CTNNA3: variants seen among roughly 807,000 people sequenced by gnomAD.
CTNNA3 encodes catenin alpha 3.
In CTNNA3, 76 loss-of-function variants were observed where a neutral mutation model predicts 95.7. That is an observed-to-expected ratio of 0.79 (90% CI 0.66 to 0.96). The LOEUF (loss-of-function observed/expected upper bound fraction) is 0.96. CTNNA3 is among the 40% of genes least tolerant of loss of function. The probability of loss-of-function intolerance (pLI) is 0.00; values close to 1 mark genes in which losing one functional copy is unlikely to be tolerated. For synonymous variants in CTNNA3, 431 were observed against 374.4 expected, an observed-to-expected ratio of 1.15 and a Z score of -1.74; for missense variants, 1,191 against 1,089.8, an observed-to-expected ratio of 1.09 and a Z score of -1.31.
At chr10:66,550,758 T>C (rs1471334028) in intron 10 of CTNNA3, among the ~76,000 whole-genome samples, 1 of 152,180 alleles carries the variant, frequency 6.6e-6, no homozygotes, top group Non-Finnish European at 1.5e-5. Flanking sequence ...CATTGTAATT[T>C]CTGTCTACTG....
intron 14 of CTNNA3, among the ~76,000 whole-genome samples, chr10:66,076,798 A>G (rs2080571223): frequency 6.6e-6 from 1 of 151,742 alleles, no homozygotes; most frequent in Admixed American, 6.6e-5. Context: ...TTTTGAAAAA[A>G]TTATGCCATT....
intron 7 of CTNNA3, among the ~76,000 whole-genome samples, chr10:66,975,863 A>G (rs918231255): frequency 1.3e-5 from 2 of 152,202 alleles, no homozygotes; most frequent in African/African-American, 4.8e-5. Flanking sequence ...ATCTGACCAA[A>G]AATCTTGGTC....
chr10:67,064,939 A>C (rs576542233), intron 7 of CTNNA3, among the ~76,000 whole-genome samples: 2 of 152,294 alleles, frequency 1.3e-5, no homozygotes, highest in East Asian at 3.9e-4. Flanking sequence ...ACTTTCAATA[A>C]AGAAAATGCA....
intron 5 of CTNNA3, among the ~76,000 whole-genome samples, chr10:67,262,158 A>G (rs945290092): frequency 3.9e-5 from 6 of 152,316 alleles, no homozygotes; most frequent in Middle Eastern, 6.8e-3. Flanking sequence ...GAGAAAAGGC[A>G]TAATTATTAT....
chr10:65,919,522 TG>T lies in CTNNA3; in HGVS notation c.*807del, dbSNP rs2077050388. On this transcript the variant is annotated 3_prime_UTR_variant, in exon 18 of 18. Transcript: ENST00000433211. ...ATATAACTCACTTTGGGATATAGTT[TG>T]TTGTCTCATTTTCCCAATGGGTGAT... 6.6e-6 allele frequency: 1 copy of T among 152,202 alleles called. No homozygotes were observed. Among genetic ancestry groups the T allele is most frequent in the Non-Finnish European group, 1.5e-5 (1 of 68,022 alleles). 9.4% of individuals were successfully genotyped at this position (152,202 alleles called of 1,614,324 possible). A position where few individuals can be genotyped will look rare whatever the true frequency, so the allele number is the denominator to read the frequency against.
At chr10:66,387,984 C>T (rs1412994000) in intron 11 of CTNNA3, among the ~76,000 whole-genome samples, 1 of 151,978 alleles carries the variant, frequency 6.6e-6, no homozygotes, top group Non-Finnish European at 1.5e-5. Flanking sequence ...TTAGGAGAAA[C>T]ACCTAATGTA....
intron 7 of CTNNA3, among the ~76,000 whole-genome samples, chr10:67,131,498 A>AT (rs1216670033): frequency 2.0e-5 from 3 of 152,090 alleles, no homozygotes; most frequent in Non-Finnish European, 2.9e-5. Context: ...ACTATGTGGC[A>AT]GTCATTATGC....
Position 67,268,359 on chromosome 10 carries a change from A to AAATTAAATTAAATTAAATTAAATT in CTNNA3, c.580-48490_580-48489insAATTTAATTTAATTTAATTTAATT, listed in dbSNP as rs759024425. On this transcript the variant is annotated intron_variant, in intron 5 of 17. Transcript: ENST00000433211. The stretch of plus-strand genomic sequence containing the variant: ...TAAATTAAATTAAATTAAATTAAAT[A>AAATTAAATTAAATTAAATTAAATT]AATAAATAAAAAATCAGCCGTTAGC... Among the ~76,000 whole-genome samples the AAATTAAATTAAATTAAATTAAATT allele has an allele frequency of 4.2e-4, 60 of 142,852 alleles. 1 individual carries two copies. Among genetic ancestry groups the AAATTAAATTAAATTAAATTAAATT allele is most frequent in the Admixed American group, 3.3e-3 (48 of 14,702 alleles). 93.7% of individuals were successfully genotyped at this position (142,852 alleles called of 152,430 possible).
chr10:67,362,293 T>C (rs947765576), intron 5 of CTNNA3, among the ~76,000 whole-genome samples: 9 of 151,690 alleles, frequency 5.9e-5, no homozygotes, highest in Non-Finnish European at 1.0e-4. Flanking sequence ...ATCATCATAA[T>C]ACCAAAACCT....
At chr10:66,434,234 C>T (rs2093320576) in intron 11 of CTNNA3, among the ~76,000 whole-genome samples, 2 of 152,026 alleles carry the variant, frequency 1.3e-5, no homozygotes, top group African/African-American at 4.8e-5. Flanking sequence ...TTACCCTGGG[C>T]AGTATGGCCA....
chr10:66,865,217 T>C (rs924440733), intron 7 of CTNNA3, among the ~76,000 whole-genome samples: 251 of 148,360 alleles, frequency 1.7e-3, no homozygotes, highest in African/African-American at 5.2e-3. Context: ...TGTGTGCGTG[T>C]GTGTGTGTGT....
intron 17 of CTNNA3, among the ~76,000 whole-genome samples, chr10:65,921,595 C>T (rs2077087061): frequency 6.6e-6 from 1 of 152,228 alleles, no homozygotes; most frequent in African/African-American, 2.4e-5. Flanking sequence ...CCTACGTGAA[C>T]CTCACTTCCA....
At chr10:66,983,298 G>A (rs1439139707) in intron 7 of CTNNA3, among the ~76,000 whole-genome samples, 2 of 152,080 alleles carry the variant, frequency 1.3e-5, no homozygotes, top group African/African-American at 4.8e-5. Context: ...CAAAGAATCA[G>A]GAGCTGGCAT....
At chr10:67,592,102 G>T (rs547039594) in intron 3 of CTNNA3, among the ~76,000 whole-genome samples, 4 of 152,076 alleles carry the variant, frequency 2.6e-5, no homozygotes, top group Admixed American at 2.0e-4. Context: ...CAATTGAATG[G>T]TGCTTTTTCC....
At chr10:66,499,017 T>C (rs954823444) in intron 11 of CTNNA3, among the ~76,000 whole-genome samples, 1 of 152,190 alleles carries the variant, frequency 6.6e-6, no homozygotes, top group Non-Finnish European at 1.5e-5. Context: ...CCATATATTG[T>C]GTAAAGCACT....
intron 14 of CTNNA3, among the ~76,000 whole-genome samples, chr10:66,093,293 C>T (rs2081279131): frequency 6.6e-6 from 1 of 152,012 alleles, no homozygotes; most frequent in Non-Finnish European, 1.5e-5. Context: ...CACTACTTTA[C>T]AATGGATAGA....
chr10:67,413,941 A>G (rs1435722180), intron 5 of CTNNA3, among the ~76,000 whole-genome samples: 3 of 152,196 alleles, frequency 2.0e-5, no homozygotes, highest in Non-Finnish European at 4.4e-5. Context: ...AGCAGTGTTA[A>G]GAGGAAAATT....
At chr10:66,328,517 C>G (rs939123790) in intron 12 of CTNNA3, among the ~76,000 whole-genome samples, 1 of 151,530 alleles carries the variant, frequency 6.6e-6, no homozygotes, top group African/African-American at 2.4e-5. Flanking sequence ...ACTTTTCCTT[C>G]TAAAATCAGT....
intron 2 of CTNNA3, among the ~76,000 whole-genome samples, chr10:67,637,836 G>A (rs918094067): frequency 2.0e-5 from 3 of 146,604 alleles, no homozygotes; most frequent in East Asian, 3.9e-4. Flanking sequence ...TCACCAACAG[G>A]CCTGCCTAAA....
Sources: gnomAD v4.1 joint callset for allele counts (sites outside exome capture counted in the v4.1 genomes callset) on GRCh38, gnomAD v4.1.1 for gene constraint, MANE v1.5 for transcripts, NCBI Gene and HGNC (gene_info 2026-07-23, HGNC 2026-07-21) for gene names.